NKTR: variants seen among roughly 807,000 people sequenced by gnomAD.
NKTR encodes the protein natural killer cell triggering receptor.
NKTR carries 67 observed loss-of-function variants against 156.3 expected under a neutral mutation model. The observed-to-expected ratio is 0.43, with a 90% CI of 0.35 to 0.53. NKTR has a LOEUF of 0.53. Among genes scored for constraint, NKTR ranks in the 20% least tolerant of loss-of-function variants. The pLI is 0.01. For synonymous variants in NKTR, 640 were observed against 596.6 expected, an observed-to-expected ratio of 1.07 and a Z score of -1.06; for missense variants, 1,604 against 1,730.9, an observed-to-expected ratio of 0.93 and a Z score of 1.30.
chr3:42,641,575 C>G (rs1310323275), intron 13 of NKTR, among the ~76,000 whole-genome samples: 4 of 152,116 alleles, frequency 2.6e-5, no homozygotes, highest in Non-Finnish European at 4.4e-5. Flanking sequence ...TACCTGCCAT[C>G]TAGCTTAAAA....
chr3:42,635,980 G>T (rs940250524), intron 12 of NKTR, among the ~76,000 whole-genome samples: 3 of 152,152 alleles, frequency 2.0e-5, no homozygotes, highest in African/African-American at 7.2e-5. Flanking sequence ...GGTCACTGAT[G>T]AGTTCATTGG....
chr3:42,601,097 C>G (rs778765495), intron 2 of NKTR, 33 bp downstream of exon 2: 10 of 1,526,142 alleles, frequency 6.6e-6, no homozygotes, highest in East Asian at 5.2e-5. Context: ...CTGCTGGGGC[C>G]GAGGCCTGCC....
At chr3:42,632,479 A>G in intron 8 of NKTR, 122 bp from the exon 9 acceptor site, 1 of 629,326 alleles carries the variant, frequency 1.6e-6, no homozygotes, top group Non-Finnish European at 2.7e-6. Context: ...AAAACTGTCT[A>G]CATTTCATTT....
intron 13 of NKTR, among the ~76,000 whole-genome samples, chr3:42,639,955 T>A (rs559365860): frequency 2.7e-4 from 41 of 151,962 alleles, no homozygotes; most frequent in Admixed American, 2.2e-3. Context: ...TTTACAAAAC[T>A]ATTACTATCA....
At chr3:42,628,950 C>T (rs1708647050) in intron 6 of NKTR, 2 of 342,076 alleles carry the variant, frequency 5.8e-6, no homozygotes, top group Non-Finnish European at 4.1e-6. Context: ...TGCATTGAGC[C>T]GAGATCATGC....
intron 2 of NKTR, among the ~76,000 whole-genome samples, chr3:42,617,003 T>C (rs896213301): frequency 6.6e-6 from 1 of 152,068 alleles, no homozygotes; most frequent in African/African-American, 2.4e-5. Context: ...CAACCCTCCC[T>C]GCCTCAGCCT....
At position 42,644,724 on chromosome 3, in the gene NKTR, C is replaced by T. The variant is rs1206628701; in HGVS notation, c.4301+721C>T. On this transcript the variant is annotated intron_variant, in intron 16 of 16. Coordinates refer to ENST00000232978, the MANE Select transcript of NKTR (RefSeq NM_005385.4). ...TAAAGTGTTGGGACTTTTCCTTCTG[C>T]CTGGAGACACACGTGTCCTCTTCAC... 2.0e-5 allele frequency among the ~76,000 whole-genome samples: 3 copies of T among 152,132 alleles called. No homozygotes were observed. The East Asian group carries it at 5.8e-4, about 29-fold the overall frequency.
rs1275616749 is a variant in NKTR at position 42,642,505 on chromosome 3, A to C, written c.4051A>C (p.Arg1351=). ...TTTCAATTGCTTTAATTGTAGATCA[A>C]GAAGCTACTCTAGAAGTCGGAGCAG... The part of the protein sequence containing the change: ...SRSSTSSYRS[R]SYSRSRSRGW... The change falls in exon 14 of 17, where the codon AGA becomes CGA. Residue 1351 remains arginine, a synonymous_variant. Transcript: ENST00000232978. 2.5e-6 allele frequency: 4 copies of C among 1,611,188 alleles called. No homozygotes were observed. The South Asian group carries it at 3.3e-5, about 13-fold the overall frequency.
chr3:42,617,444 T>C lies in NKTR; in HGVS notation c.59-126T>C, dbSNP rs574566335. The C allele has an allele frequency of 1.8e-4, 103 of 574,152 alleles. 3 individuals carry two copies. In the South Asian group the frequency reaches 2.3e-3, roughly 13 times the overall value. The allele number at this position is 574,152 out of a possible 1,614,324, so 35.6% of individuals were successfully genotyped here. Reference sequence around the variant, plus strand: ...CCCAGTTAAATGCTTTCCCATTACATCTTTTAAAAAATTAAAATGAATTAC... The same window carrying C: ...CCCAGTTAAATGCTTTCCCATTACACCTTTTAAAAAATTAAAATGAATTAC... On this transcript the variant is annotated intron_variant, in intron 2 of 16. Transcript: ENST00000232978.
chr3:42,645,691 A>G (rs555543172), intron 16 of NKTR, among the ~76,000 whole-genome samples, 197 bp from the exon 17 acceptor site: 3 of 152,222 alleles, frequency 2.0e-5, no homozygotes, highest in Middle Eastern at 3.4e-3. Flanking sequence ...TCTCAAAAAG[A>G]AAAAGAAAAG....
At chr3:42,629,217 T>A in intron 6 of NKTR, 31 of 984,680 alleles carry the variant, frequency 3.1e-5, no homozygotes, top group Non-Finnish European at 3.7e-5. Flanking sequence ...ATAGTTTTTG[T>A]TCTGTTTTCT....
In NKTR at chr3:42,646,991, A is replaced by G. The variant is rs1710382044; in HGVS notation, c.*1016A>G. Reference sequence around the variant, plus strand: ...GGAAGAGTGAAGAATGGACTTCAAAAGTAACATCAAAAATCTAACTGCCAC... The same window carrying G: ...GGAAGAGTGAAGAATGGACTTCAAAGGTAACATCAAAAATCTAACTGCCAC... On this transcript the variant is annotated 3_prime_UTR_variant, in exon 17 of 17. Transcript: ENST00000232978. 1 of 151,690 alleles carries G rather than the reference A, an allele frequency of 6.6e-6. No homozygotes were observed. The highest frequency in any genetic ancestry group is 6.6e-5 in the Admixed American group (1 of 15,230). 9.4% of individuals were successfully genotyped at this position (151,690 alleles called of 1,614,324 possible).
chr3:42,617,461 A>G, intron 2 of NKTR, 109 bp from the exon 3 acceptor site: 1 of 599,496 alleles, frequency 1.7e-6, no homozygotes, highest in Non-Finnish European at 3.0e-6. Flanking sequence ...AAAAATTAAA[A>G]TGAATTACAA....
In NKTR at chr3:42,637,690, A is replaced by G. The variant is rs1577567504; in HGVS notation, c.1986A>G (p.Ser662=). The part of the protein sequence containing the change: ...LANIKETGSS[S]SYHKREKNSE... ...ATATTAAAGAGACTGGTAGCTCATC[A>G]TCCTACCATAAAAGAGAAAAAAATT... Residue 662 remains serine (S), a synonymous_variant, in exon 13 of 17, where the codon TCA becomes TCG. Transcript: ENST00000232978. The G allele has an allele frequency of 6.2e-7, 1 of 1,614,054 alleles. No individual in the cohort carries two copies. The highest frequency in any genetic ancestry group is 1.3e-5 in the African/African-American group (1 of 75,028).
intron 5 of NKTR, chr3:42,620,648 T>G (rs1707825217): frequency 2.0e-6 from 2 of 982,840 alleles, no homozygotes; most frequent in East Asian, 1.1e-4. Flanking sequence ...GACATATAAG[T>G]TAGTTTTCAA....
At chr3:42,644,997 T>C (rs929602017) in intron 16 of NKTR, among the ~76,000 whole-genome samples, 1 of 151,982 alleles carries the variant, frequency 6.6e-6, no homozygotes, top group South Asian at 2.1e-4. Context: ...TGTGTGTGTG[T>C]TCCCAGCATC....
At chr3:42,627,453 G>A (rs1418572545) in intron 6 of NKTR, 3 of 985,148 alleles carry the variant, frequency 3.0e-6, no homozygotes, top group Non-Finnish European at 3.6e-6. Context: ...CTTCTGGTGG[G>A]GGAGTGGGGT....
chr3:42,625,378 T>C (rs1708279344), intron 6 of NKTR, among the ~76,000 whole-genome samples: 1 of 152,078 alleles, frequency 6.6e-6, no homozygotes, highest in Non-Finnish European at 1.5e-5. Flanking sequence ...AACTTTGAAC[T>C]TTAAACAAAA....
intron 9 of NKTR, 167 bp downstream of exon 9, chr3:42,632,990 AT>A (rs1709057545): frequency 7.7e-7 from 1 of 1,293,056 alleles, no homozygotes; most frequent in African/African-American, 1.5e-5. Context: ...TAGCATAGGC[AT>A]TTCATTTCAA....
Sources: gnomAD v4.1 joint callset for allele counts (sites outside exome capture counted in the v4.1 genomes callset) on GRCh38, gnomAD v4.1.1 for gene constraint, MANE v1.5 for transcripts, NCBI Gene and HGNC (gene_info 2026-07-23, HGNC 2026-07-21) for gene names.